Variants in ERCC6 observed in about 807,000 individuals in gnomAD.
ERCC6 encodes the protein ERCC excision repair 6, chromatin remodeling factor.
A neutral mutation model predicts 158.7 loss-of-function variants in ERCC6; 116 were observed. The observed-to-expected ratio is 0.73, with a 90% confidence interval of 0.63 to 0.85. The LOEUF (loss-of-function observed/expected upper bound fraction) is 0.85. ERCC6 is among the 40% of genes least tolerant of loss of function. The pLI is 0.00. For synonymous variants in ERCC6, 678 were observed against 659.3 expected (o/e 1.03, Z -0.43); for missense variants, 1,698 against 1,799.4 (o/e 0.94, Z 1.02).
At chr10:49,448,788 T>TA in the ERCC6 span, among the ~76,000 whole-genome samples, 379 of 152,348 alleles carry the variant, frequency 2.5e-3, 1 homozygote, top group African/African-American at 8.6e-3. Context: ...ATCAGTGTTA[T>TA]AGCATGTATC....
intron 6 of ERCC6, chr10:49,501,384 T>C (rs926696001): frequency 6.6e-6 from 1 of 152,202 alleles, no homozygotes; most frequent in Non-Finnish European, 1.5e-5. Context: ...TTCAGGGAGT[T>C]TACCAAAGGT....
chr10:49,502,251 CA>C (rs1220194607), intron 6 of ERCC6: 1 of 152,100 alleles, frequency 6.6e-6, no homozygotes, highest in Non-Finnish European at 1.5e-5. Context: ...TTACCTATTA[CA>C]TAAGGAAAAC....
rs1371269672 is a variant in ERCC6, at chr10:49,461,345, C to T, written c.3983+7G>A. 1 of 1,612,412 alleles carries T rather than the reference C, an allele frequency of 6.2e-7. No individual in the cohort carries two copies. The highest frequency in any genetic ancestry group is 8.5e-7 in the Non-Finnish European group (1 of 1,179,730). On this transcript the variant is annotated splice_region_variant and intron_variant, in intron 19 of 20. Coordinates refer to ENST00000355832, the MANE Select transcript of ERCC6 (RefSeq NM_000124.4). ...CCTTGCAAGTATGGCATGCAGCAAT[C>T]TCTTACTTTTTTCCTGCTGGTGCAC...
At chr10:49,450,816 A>ATTTTTT (rs57063540), downstream of ERCC6, among the ~76,000 whole-genome samples, 2 of 146,592 alleles carry the variant, frequency 1.4e-5, no homozygotes, top group African/African-American at 5.0e-5. Context: ...TAGAAATACG[A>ATTTTTT]TTTTTTTTTT....
intron 6 of ERCC6, chr10:49,501,161 C>T (rs954383068): frequency 2.3e-5 from 4 of 170,564 alleles, no homozygotes; most frequent in Admixed American, 5.6e-5. Context: ...CAACCTATAG[C>T]TTATACTGTT....
intron 7 of ERCC6, among the ~76,000 whole-genome samples, chr10:49,495,198 G>A (rs1051990073): frequency 2.0e-5 from 3 of 152,146 alleles, no homozygotes; most frequent in African/African-American, 7.2e-5. Flanking sequence ...TTGGGTGCCA[G>A]TCAGTGCATA....
intron 5 of ERCC6, chr10:49,515,931 T>C: frequency 6.2e-7 from 1 of 1,614,190 alleles, no homozygotes; most frequent in Non-Finnish European, 8.5e-7. Context: ...TGTGCCTCTT[T>C]CTTTTTTCTT....
chr10:49,516,674 T>C lies in ERCC6; in HGVS notation c.1397+7359A>G, dbSNP rs753831639. 28 of 1,614,038 alleles carry C rather than the reference T, an allele frequency of 1.7e-5. 1 individual carries two copies. The highest frequency in any genetic ancestry group is 3.3e-4 in the Middle Eastern group (2 of 6,084). ...CAATGACCTCGTCATCAAGAAAAAG[T>C]TCAAGAATTTCTGTGGGAGTTCTCA... On this transcript the variant is annotated intron_variant, in intron 5 of 20. Transcript: ENST00000355832.
At position 49,524,263 on chromosome 10, in the gene ERCC6, C is replaced by G. The variant is rs758275606; in HGVS notation, c.1167G>C (p.Glu389Asp). 1 of 1,614,078 alleles carries G rather than the reference C, an allele frequency of 6.2e-7. No individual in the cohort carries two copies. The highest frequency in any genetic ancestry group is 8.5e-7 in the Non-Finnish European group (1 of 1,180,006). Residue 389 changes from glutamate to aspartate, a missense_variant, in exon 5 of 21, where the codon GAG (glutamate) becomes GAC (aspartate). Transcript: ENST00000355832. ...EEEEEEDDEV[E>D]GAEADLSGDG... ...CTCCAGACAGGTCCGCCTCTGCCCCCTCCACCTCGTCATCTTCCTCCTCTT... is the reference window on the plus strand; with the variant it reads ...CTCCAGACAGGTCCGCCTCTGCCCCGTCCACCTCGTCATCTTCCTCCTCTT...
chr10:49,532,414 G>A, intron 2 of ERCC6, 129 bp downstream of exon 2: 1 of 1,434,150 alleles, frequency 7.0e-7, no homozygotes, highest in Admixed American at 2.0e-5. Flanking sequence ...TGCCCTTATT[G>A]ACTCTGTCCT....
At chr10:49,483,619 C>T (rs1851020851) in intron 8 of ERCC6, 103 bp from the exon 9 acceptor site, 2 of 1,141,440 alleles carry the variant, frequency 1.8e-6, no homozygotes, top group African/African-American at 3.0e-5. Context: ...CAAATACAAA[C>T]ATAACATGCA....
At chr10:49,445,895 T>C in the ERCC6 span, among the ~76,000 whole-genome samples, 1 of 152,170 alleles carries the variant, frequency 6.6e-6, no homozygotes, top group Non-Finnish European at 1.5e-5. Context: ...CATACAGGTA[T>C]GGCCTCAGAA....
rs1380412884 is a variant in ERCC6, at chr10:49,472,828, C to T, written c.2829+81G>A. The stretch of plus-strand genomic sequence containing the variant: ...AAACGTATGCTGAAGCCAACCAGAA[C>T]ATCAAAGGACAGTCAAAAGCGCTAA... On this transcript the variant is annotated intron_variant, in intron 15 of 20. Coordinates refer to ENST00000355832, the MANE Select transcript of ERCC6 (RefSeq NM_000124.4). 2.3e-5 allele frequency: 36 copies of T among 1,535,332 alleles called. No individual in the cohort carries two copies. In the Admixed American group the frequency reaches 5.5e-4, roughly 23 times the overall value.
In ERCC6 at chr10:49,524,141, G is replaced by T; in HGVS notation, c.1289C>A (p.Ser430Tyr). The T allele has an allele frequency of 6.2e-7, 1 of 1,613,898 alleles. No individual in the cohort carries two copies. Among genetic ancestry groups the T allele is most frequent in the Admixed American group, 1.7e-5 (1 of 59,996 alleles). ...QEIDDDFFPS[S>Y]GEEAEAASVG... The stretch of plus-strand genomic sequence containing the variant: ...AGAAGCAGCTTCAGCTTCTTCCCCA[G>T]AACTTGGGAAAAAGTCATCATCAAT... The change falls in exon 5 of 21, where the codon TCT becomes TAT. Residue 430 changes from serine to tyrosine, a missense_variant. Ser to Tyr is a moderately radical substitution (Grantham distance 144). Transcript: ENST00000355832.
chr10:49,464,428 A>G (rs562191634), intron 18 of ERCC6, among the ~76,000 whole-genome samples: 2 of 152,366 alleles, frequency 1.3e-5, no homozygotes, highest in South Asian at 4.1e-4. Context: ...TTGCAGCCTT[A>G]CAATGTGATA....
At chr10:49,499,223 A>C (rs932936791) in intron 7 of ERCC6, among the ~76,000 whole-genome samples, 1 of 152,232 alleles carries the variant, frequency 6.6e-6, no homozygotes, top group Non-Finnish European at 1.5e-5. Flanking sequence ...CACGATGTTT[A>C]GCATTTAAAA....
intron 1 of ERCC6, among the ~76,000 whole-genome samples, chr10:49,533,725 C>A (rs958673496): frequency 2.6e-5 from 4 of 152,172 alleles, no homozygotes; most frequent in African/African-American, 9.7e-5. Context: ...ATCACTTGAG[C>A]CTGGGAGATG....
Position 49,470,178 on chromosome 10 carries a change from T to C in ERCC6, c.3778+4A>G. On this transcript the variant is annotated splice_donor_region_variant and intron_variant, in intron 18 of 20. Coordinates refer to ENST00000355832, the MANE Select transcript of ERCC6 (RefSeq NM_000124.4). ...CCCTGTGGCAAACGTATCAAATGGATTACCTGATTTTTTGAAAAGCTTTTC... is the reference window on the plus strand; with the variant it reads ...CCCTGTGGCAAACGTATCAAATGGACTACCTGATTTTTTGAAAAGCTTTTC... 6.2e-7 allele frequency: 1 copy of C among 1,613,780 alleles called. No homozygotes were observed. The highest frequency in any genetic ancestry group is 8.5e-7 in the Non-Finnish European group (1 of 1,179,652).
At chr10:49,443,018 C>T in the ERCC6 span, among the ~76,000 whole-genome samples, 2 of 152,122 alleles carry the variant, frequency 1.3e-5, no homozygotes, top group Non-Finnish European at 1.5e-5. Context: ...TTACTTCTGA[C>T]GCTTGTGCCA....
Sources: gnomAD v4.1 joint callset for allele counts (sites outside exome capture counted in the v4.1 genomes callset) on GRCh38, gnomAD v4.1.1 for gene constraint, MANE v1.5 for transcripts, NCBI Gene and HGNC (gene_info 2026-07-23, HGNC 2026-07-21) for gene names.